SFT2D2: variants seen among roughly 807,000 people sequenced by gnomAD.
The protein encoded by SFT2D2 is vesicle transport protein SFT2B.
In SFT2D2, 21 loss-of-function variants were observed where a neutral mutation model predicts 27.4. The ratio of observed to expected loss-of-function variants is 0.77; its 90% CI spans 0.54 to 1.10. The LOEUF is 1.10. Among genes scored for constraint, SFT2D2 ranks in the 50% least tolerant of loss-of-function variants. The pLI, the probability that SFT2D2 is intolerant of heterozygous loss-of-function variation, is 0.00. For synonymous variants in SFT2D2, 72 were observed against 71.7 expected, an observed-to-expected ratio of 1.00 and a Z score of -0.02; for missense variants, 187 against 194.2, an observed-to-expected ratio of 0.96 and a Z score of 0.22.
intron 3 of SFT2D2, among the ~76,000 whole-genome samples, chr1:168,234,697 T>G (rs1485753570): frequency 2.0e-5 from 3 of 152,102 alleles, no homozygotes; most frequent in Non-Finnish European, 4.4e-5. Flanking sequence ...GCCTGTAAGG[T>G]ATGGTTTTTC....
In SFT2D2 at chr1:168,248,677, T is replaced by A. The variant is rs1056224218; in HGVS notation, c.*6137T>A. 6.6e-6 allele frequency: 1 copy of A among 152,248 alleles called. No individual in the cohort carries two copies. The highest frequency in any genetic ancestry group is 1.5e-5 in the Non-Finnish European group (1 of 68,062). The allele number at this position is 152,248 out of a possible 1,614,324, so 9.4% of individuals were successfully genotyped here. ...CAGAAGGAATGGTACCAGCTCCCTT[T>A]TGTACCTCTGGTAGAATTCGGCTGT... On this transcript the variant is annotated 3_prime_UTR_variant, in exon 8 of 8. Transcript: ENST00000271375.
Position 168,247,169 on chromosome 1 carries a change from A to G in SFT2D2, c.*4629A>G, listed in dbSNP as rs899808438. The stretch of plus-strand genomic sequence containing the variant: ...CAGTGATTATCTTTAAGTTCCACTG[A>G]TCTTTTACATAAATAAACTGCATTT... On this transcript the variant is annotated 3_prime_UTR_variant, in exon 8 of 8. Transcript: ENST00000271375. 5 of 273,852 alleles carry G rather than the reference A, an allele frequency of 1.8e-5. No homozygotes were observed. Among genetic ancestry groups the G allele is most frequent in the Non-Finnish European group, 3.7e-5 (5 of 134,306 alleles). 17.0% of individuals were successfully genotyped at this position (273,852 alleles called of 1,614,324 possible).
intron 4 of SFT2D2, among the ~76,000 whole-genome samples, chr1:168,235,855 A>G (rs1647478490): frequency 6.6e-6 from 1 of 152,158 alleles, no homozygotes; most frequent in African/African-American, 2.4e-5. Context: ...ACATACTTTT[A>G]TTTTTAGTTT....
At chr1:168,235,005 T>A (rs1014222166) in intron 3 of SFT2D2, 96 bp from the exon 4 acceptor site, 1 of 1,043,790 alleles carries the variant, frequency 9.6e-7, no homozygotes. Flanking sequence ...TTTCAAATGT[T>A]AGCTACTATT....
chr1:168,239,022 G>T (rs1388749396), intron 6 of SFT2D2, 109 bp from the exon 7 acceptor site: 2 of 847,452 alleles, frequency 2.4e-6, no homozygotes, highest in African/African-American at 1.7e-5. Flanking sequence ...TATGGGAGAG[G>T]GTCTGGATAG....
At chr1:168,234,460 A>G (rs776193441) in intron 3 of SFT2D2, among the ~76,000 whole-genome samples, 2 of 152,018 alleles carry the variant, frequency 1.3e-5, no homozygotes, top group African/African-American at 4.8e-5. Flanking sequence ...TTGGAATCCA[A>G]TAGCTATAGA....
At chr1:168,237,323 G>C (rs888346918) in intron 6 of SFT2D2, among the ~76,000 whole-genome samples, 1 of 152,206 alleles carries the variant, frequency 6.6e-6, no homozygotes, top group African/African-American at 2.4e-5. Flanking sequence ...AGGCTTGTTG[G>C]CTTTTGGTAA....
At chr1:168,230,711 G>T (rs1276129575) in intron 1 of SFT2D2, among the ~76,000 whole-genome samples, 1 of 152,160 alleles carries the variant, frequency 6.6e-6, no homozygotes, top group African/African-American at 2.4e-5. Context: ...CTGACCTCAG[G>T]TGATGCGCCC....
Position 168,231,902 on chromosome 1 carries a change from T to C in SFT2D2, c.219T>C (p.Asn73=). Residue 73 remains asparagine (N), a synonymous_variant, in exon 3 of 8, where the codon AAT becomes AAC. Coordinates refer to ENST00000271375, the MANE Select transcript of SFT2D2 (RefSeq NM_199344.3). ...HLFAVFYTFG[N]IASIGSTIFL... ...TCGCAGTGTTTTATACCTTTGGTAATATCGCATCAATTGGGAGGTAACTGT... is the reference window on the plus strand; with the variant it reads ...TCGCAGTGTTTTATACCTTTGGTAACATCGCATCAATTGGGAGGTAACTGT... 1 of 1,614,142 alleles carries C rather than the reference T, an allele frequency of 6.2e-7. No individual in the cohort carries two copies. The highest frequency in any genetic ancestry group is 8.5e-7 in the Non-Finnish European group (1 of 1,179,984).
intron 1 of SFT2D2, among the ~76,000 whole-genome samples, chr1:168,227,477 T>C (rs761668701): frequency 2.6e-5 from 4 of 152,226 alleles, no homozygotes; most frequent in African/African-American, 4.8e-5. Flanking sequence ...GTAAGATTGC[T>C]CTCTGAATCT....
At chr1:168,241,006 C>T (rs1428311558) in intron 7 of SFT2D2, among the ~76,000 whole-genome samples, 2 of 152,132 alleles carry the variant, frequency 1.3e-5, no homozygotes, top group African/African-American at 4.8e-5. Context: ...TGCAGTTGCA[C>T]AGGTCTCATT....
chr1:168,234,812 A>T (rs1052567117), intron 3 of SFT2D2, among the ~76,000 whole-genome samples: 4 of 152,166 alleles, frequency 2.6e-5, no homozygotes, highest in African/African-American at 9.7e-5. Context: ...GTATGATATG[A>T]TTCTACAGTA....
chr1:168,229,752 G>A (rs1269086673), intron 1 of SFT2D2: 1 of 149,866 alleles, frequency 6.7e-6, no homozygotes, highest in Non-Finnish European at 1.5e-5. Context: ...AAGAGTGGTA[G>A]CTTCTCATTT....
In SFT2D2 at chr1:168,238,996, C is replaced by T. The variant is rs923099194; in HGVS notation, c.414-135C>T. The T allele has an allele frequency of 1.4e-5, 10 of 714,228 alleles. No individual in the cohort carries two copies. In the African/African-American group the frequency reaches 1.6e-4, roughly 11 times the overall value. 44.2% of individuals were successfully genotyped at this position (714,228 alleles called of 1,614,324 possible). On this transcript the variant is annotated intron_variant, in intron 6 of 7. Transcript: ENST00000271375. Reference sequence around the variant, plus strand: ...GCGTGGGCCTTTGTGTGCACATGCTCATCCCCCAGGCTGAGTATGGGAGAG... The same window carrying T: ...GCGTGGGCCTTTGTGTGCACATGCTTATCCCCCAGGCTGAGTATGGGAGAG...
intron 7 of SFT2D2, 48 bp downstream of exon 7, chr1:168,239,208 A>G (rs946659137): frequency 9.0e-6 from 13 of 1,445,052 alleles, no homozygotes; most frequent in Middle Eastern, 1.9e-4. Context: ...TTTAATTCAG[A>G]GTCTGCTTTC....
intron 6 of SFT2D2, among the ~76,000 whole-genome samples, chr1:168,237,875 T>TTTA (rs1553283588): frequency 1.3e-5 from 2 of 148,652 alleles, no homozygotes. Flanking sequence ...TTTTTTTTTT[T>TTTA]AAATGACATG....
At chr1:168,229,487 A>G (rs1162111561) in intron 1 of SFT2D2, 1 of 152,362 alleles carries the variant, frequency 6.6e-6, no homozygotes, top group Non-Finnish European at 1.5e-5. Context: ...GGAACCATCC[A>G]GTCCAATCTT....
chr1:168,231,376 CT>C, intron 1 of SFT2D2, 137 bp from the exon 2 acceptor site: 1 of 674,640 alleles, frequency 1.5e-6, no homozygotes, highest in Non-Finnish European at 2.5e-6. Context: ...GATTTGATGA[CT>C]TACATCGCCT....
chr1:168,230,226 A>G (rs931979225), intron 1 of SFT2D2, among the ~76,000 whole-genome samples: 8 of 152,180 alleles, frequency 5.3e-5, no homozygotes, highest in African/African-American at 1.7e-4. Flanking sequence ...TGCCAGTCTA[A>G]TGACTCTTGA....
Sources: gnomAD v4.1 joint callset for allele counts (sites outside exome capture counted in the v4.1 genomes callset) on GRCh38, gnomAD v4.1.1 for gene constraint, MANE v1.5 for transcripts, NCBI Gene and HGNC (gene_info 2026-07-23, HGNC 2026-07-21) for gene names.